HPSE2: variants seen among roughly 807,000 people sequenced by gnomAD.
HPSE2 encodes heparanase 2 (inactive).
Under a neutral mutation model 60.5 loss-of-function variants are expected in HPSE2, and 38 were observed. That is an observed-to-expected ratio of 0.63 (90% CI 0.48 to 0.82). The LOEUF is 0.82. Ranked by LOEUF, HPSE2 falls within the 40% of genes least tolerant of loss-of-function variation. HPSE2 has a pLI of 0.00. For synonymous variants in HPSE2, 295 were observed against 293.2 expected (o/e 1.01, Z -0.06); for missense variants, 713 against 740.4 (o/e 0.96, Z 0.43).
intron 9 of HPSE2, among the ~76,000 whole-genome samples, chr10:98,553,363 G>A (rs758211771): frequency 1.3e-4 from 20 of 152,062 alleles, no homozygotes; most frequent in Non-Finnish European, 1.6e-4. Context: ...CTTAGTTTGC[G>A]CTGTTCTTTC....
chr10:99,084,493 T>C (rs534483657), intron 3 of HPSE2, among the ~76,000 whole-genome samples: 3 of 152,278 alleles, frequency 2.0e-5, no homozygotes, highest in South Asian at 2.1e-4. Context: ...TCTCAGGGTA[T>C]GGGTTTTCTT....
At chr10:98,976,823 G>C (rs901069608) in intron 3 of HPSE2, among the ~76,000 whole-genome samples, 4 of 152,002 alleles carry the variant, frequency 2.6e-5, no homozygotes, top group African/African-American at 9.7e-5. Flanking sequence ...GGGCTTTGCA[G>C]ATGTAATTAA....
At chr10:98,466,690 C>A (rs925270861) in intron 11 of HPSE2, among the ~76,000 whole-genome samples, 8 of 151,942 alleles carry the variant, frequency 5.3e-5, no homozygotes, top group African/African-American at 1.9e-4. Context: ...AGACTAGTTT[C>A]TCCATCTGTA....
intron 3 of HPSE2, among the ~76,000 whole-genome samples, chr10:98,907,001 A>G (rs1180970362): frequency 4.6e-5 from 7 of 152,168 alleles, no homozygotes; most frequent in Non-Finnish European, 8.8e-5. Context: ...AGTTTACTCT[A>G]TGTTGGGAAC....
intron 5 of HPSE2, among the ~76,000 whole-genome samples, chr10:98,718,058 A>C (rs1388210313): frequency 1.3e-5 from 2 of 152,142 alleles, no homozygotes; most frequent in Non-Finnish European, 2.9e-5. Context: ...AAATTCTAAG[A>C]CAATAAAAAC....
chr10:98,671,132 T>C (rs971978237), intron 6 of HPSE2, among the ~76,000 whole-genome samples: 2 of 152,198 alleles, frequency 1.3e-5, no homozygotes, highest in Non-Finnish European at 2.9e-5. Context: ...CTGGATCTAT[T>C]TTGAAGGCAG....
At chr10:98,692,060 A>C (rs1294692556) in intron 6 of HPSE2, among the ~76,000 whole-genome samples, 1 of 152,214 alleles carries the variant, frequency 6.6e-6, no homozygotes, top group Admixed American at 6.5e-5. Flanking sequence ...ATAAATTATT[A>C]TAAGTGCTAT....
chr10:98,631,692 C>T (rs984051734), intron 7 of HPSE2, among the ~76,000 whole-genome samples: 1 of 152,186 alleles, frequency 6.6e-6, no homozygotes, highest in Non-Finnish European at 1.5e-5. Flanking sequence ...TAGCACATAC[C>T]TTCTTCACAT....
intron 3 of HPSE2, among the ~76,000 whole-genome samples, chr10:99,113,841 T>A (rs531652296): frequency 1.3e-5 from 2 of 151,190 alleles, no homozygotes; most frequent in East Asian, 3.9e-4. Flanking sequence ...TAATTTAGGT[T>A]TTTTTTTTGG....
intron 3 of HPSE2, among the ~76,000 whole-genome samples, chr10:98,957,030 G>A (rs1241957083): frequency 6.6e-6 from 1 of 152,148 alleles, no homozygotes; most frequent in Non-Finnish European, 1.5e-5. Context: ...CAAGAGTGAT[G>A]CCATATTGAA....
intron 1 of HPSE2, among the ~76,000 whole-genome samples, chr10:99,232,788 T>C (rs1849703829): frequency 6.6e-6 from 1 of 152,204 alleles, no homozygotes; most frequent in Non-Finnish European, 1.5e-5. Context: ...CTACAGATAG[T>C]GTTTGTTCAT....
intron 3 of HPSE2, among the ~76,000 whole-genome samples, chr10:98,895,625 C>A (rs1414796321): frequency 6.6e-6 from 1 of 152,130 alleles, no homozygotes; most frequent in African/African-American, 2.4e-5. Context: ...TACTTAAAAA[C>A]TCATGCACAT....
chr10:99,064,724 T>G lies in HPSE2; in HGVS notation c.610+79514A>C, dbSNP rs139655811. 3.5e-3 allele frequency among the ~76,000 whole-genome samples: 508 copies of G among 146,866 alleles called. 2 individuals are homozygous for G. The highest frequency in any genetic ancestry group is 0.012 in the African/African-American group (478 of 40,434). ...CATAATATTATTCTAAAATACACCT[T>G]ATCAACCAAAAAAAAAAAATTAAGG... is the stretch of plus-strand genomic sequence containing the variant. On this transcript the variant is annotated intron_variant, in intron 3 of 11. Transcript: ENST00000370552.
intron 3 of HPSE2, among the ~76,000 whole-genome samples, chr10:98,927,163 T>C (rs1290086497): frequency 6.6e-6 from 1 of 151,834 alleles, no homozygotes; most frequent in Non-Finnish European, 1.5e-5. Flanking sequence ...GTATCCTTGT[T>C]GACTTTCTGT....
chr10:98,542,383 C>A (rs1214546186), intron 9 of HPSE2, among the ~76,000 whole-genome samples: 2 of 151,734 alleles, frequency 1.3e-5, no homozygotes, highest in African/African-American at 2.4e-5. Flanking sequence ...GGGGAAAAAA[C>A]AGAGCAGAAA....
intron 3 of HPSE2, among the ~76,000 whole-genome samples, chr10:99,025,289 G>A (rs1338656426): frequency 6.6e-6 from 1 of 152,048 alleles, no homozygotes; most frequent in Non-Finnish European, 1.5e-5. Flanking sequence ...AAAGCAGTGT[G>A]ACAATTCCTC....
Position 98,881,631 on chromosome 10 carries a change from C to T in HPSE2, c.611-137575G>A, listed in dbSNP as rs551325903. Among the ~76,000 whole-genome samples, 84 of 152,126 alleles carry T rather than the reference C, an allele frequency of 5.5e-4. No individual in the cohort carries two copies. In the Middle Eastern group the frequency reaches 0.027, roughly 49 times the overall value. On this transcript the variant is annotated intron_variant, in intron 3 of 11. Coordinates refer to ENST00000370552, the MANE Select transcript of HPSE2 (RefSeq NM_021828.5). ...AGAATGAGAACTGTGATAATTCCAT[C>T]CAATTAGACCATATATAACTATTGC...
intron 3 of HPSE2, among the ~76,000 whole-genome samples, chr10:98,850,070 G>T (rs1280576242): frequency 6.6e-6 from 1 of 152,038 alleles, no homozygotes; most frequent in African/African-American, 2.4e-5. Context: ...GTAAAAATAA[G>T]AAAATCAAAT....
At chr10:98,900,478 T>G (rs1000432877) in intron 3 of HPSE2, among the ~76,000 whole-genome samples, 2 of 152,122 alleles carry the variant, frequency 1.3e-5, no homozygotes, top group African/African-American at 4.8e-5. Flanking sequence ...GGATATACAG[T>G]ACATGTTCAT....
Sources: gnomAD v4.1 joint callset for allele counts (sites outside exome capture counted in the v4.1 genomes callset) on GRCh38, gnomAD v4.1.1 for gene constraint, MANE v1.5 for transcripts, NCBI Gene and HGNC (gene_info 2026-07-23, HGNC 2026-07-21) for gene names.